The following PPM1F variants were observed in gnomAD, a reference collection of about 807,000 sequenced individuals.
PPM1F encodes protein phosphatase, Mg2+/Mn2+ dependent 1F.
A neutral mutation model predicts 35.5 loss-of-function variants in PPM1F; 17 were observed. The observed-to-expected ratio is 0.48, with a 90% confidence interval of 0.33 to 0.72. The LOEUF is 0.72. Ranked by LOEUF, PPM1F falls within the 30% of genes least tolerant of loss-of-function variation. PPM1F has a pLI of 0.02. For missense variants in PPM1F, 521 were observed against 613.0 expected (o/e 0.85, Z 1.59); for synonymous variants, 241 against 255.5 (o/e 0.94, Z 0.54).
In PPM1F at chr22:21,934,312, G is replaced by T. The variant is rs1319673672; in HGVS notation, c.356-86C>A. ...TGGCTCCCTGACAGCTCCCACAGGG[G>T]CCTGCAAAGCCCCCATCACCTCCCG... On this transcript the variant is annotated intron_variant, in intron 3 of 7. Coordinates refer to ENST00000263212, the MANE Select transcript of PPM1F (RefSeq NM_014634.4). 6 of 1,153,498 alleles carry T rather than the reference G, an allele frequency of 5.2e-6. No individual in the cohort carries two copies. In the East Asian group the frequency reaches 1.6e-4, roughly 30 times the overall value. 71.5% of individuals were successfully genotyped at this position (1,153,498 alleles called of 1,614,324 possible).
chr22:21,950,550 C>T (rs1166729067), intron 1 of PPM1F: 2 of 152,082 alleles, frequency 1.3e-5, no homozygotes, highest in African/African-American at 4.8e-5. Flanking sequence ...ATGAAAAAAA[C>T]CCAGCAATCC....
rs377763137 is a variant in PPM1F, at chr22:21,939,671, C to T, written c.216G>A (p.Pro72=). ...GGGCCAGAGCAGCAGCAAGTGGTGG[C>T]GGGGCCTTCCTAGGGATGAGGAGGG... The part of the protein sequence containing the change: ...AMGFLGSRKA[P]PPLAAALAHE... Residue 72 remains proline, a synonymous_variant, in exon 3 of 8, where the codon CCG becomes CCA. Transcript: ENST00000263212. This position sits in a 1 kb window ranked among gnomAD's most constrained non-coding sequence, Gnocchi z 5.1. 1.8e-5 allele frequency: 28 copies of T among 1,552,392 alleles called. No homozygotes were observed. Among genetic ancestry groups the T allele is most frequent in the South Asian group, 1.2e-4 (10 of 84,140 alleles).
chr22:21,945,070 A>G (rs550997964), intron 2 of PPM1F: 4 of 152,420 alleles, frequency 2.6e-5, no homozygotes, highest in Admixed American at 2.6e-4. Context: ...CGGATCGGAA[A>G]CAGGACGTAC....
In PPM1F at chr22:21,939,553, C is replaced by T; in HGVS notation, c.334G>A (p.Glu112Lys). The T allele has an allele frequency of 6.3e-7, 1 of 1,588,020 alleles. No homozygotes were observed. Among genetic ancestry groups the T allele is most frequent in the East Asian group, 2.3e-5 (1 of 44,152 alleles). Reference protein sequence around the residue: ...EEEEEEDDDEEEKAPVTLLDA... With the variant: ...EEEEEEDDDEKEKAPVTLLDA... ...TCACAGGTCACAGGGGCCTTTTCCTCCTCGTCATCGTCCTCCTCCTCTTCT... is the reference window on the plus strand; with the variant it reads ...TCACAGGTCACAGGGGCCTTTTCCTTCTCGTCATCGTCCTCCTCCTCTTCT... The change falls in exon 3 of 8, where the codon GAG becomes AAG. Residue 112 changes from glutamate (E) to lysine (K), a missense_variant. Glu to Lys is a moderately conservative substitution (Grantham distance 56). Transcript: ENST00000263212. This position sits in a 1 kb window ranked among gnomAD's most constrained non-coding sequence, Gnocchi z 5.1.
At chr22:21,942,865 A>T (rs919017812) in intron 2 of PPM1F, 5 of 152,328 alleles carry the variant, frequency 3.3e-5, no homozygotes, top group African/African-American at 4.8e-5. Flanking sequence ...AGGCAAGAAG[A>T]TGCTCCAGGG....
intron 5 of PPM1F, among the ~76,000 whole-genome samples, chr22:21,932,247 C>T (rs572477512): frequency 1.3e-5 from 2 of 152,356 alleles, no homozygotes; most frequent in East Asian, 1.9e-4. Flanking sequence ...GCCACTGTGC[C>T]CAGCCTCAAT....
rs2070439343 is a variant in PPM1F, at chr22:21,920,839, G to C, written c.*2253C>G. On this transcript the variant is annotated 3_prime_UTR_variant, in exon 8 of 8. Transcript: ENST00000263212. Reference sequence around the variant, plus strand: ...TATTAGCAAAGAAAAGAGAAAAGCAGATGCCAATCATTCTCTCTCTTCGTC... The same window carrying C: ...TATTAGCAAAGAAAAGAGAAAAGCACATGCCAATCATTCTCTCTCTTCGTC... 6.6e-6 allele frequency: 1 copy of C among 152,242 alleles called. No individual in the cohort carries two copies. Among genetic ancestry groups the C allele is most frequent in the South Asian group, 2.1e-4 (1 of 4,834 alleles). 9.4% of individuals were successfully genotyped at this position (152,242 alleles called of 1,614,324 possible). A position where few individuals can be genotyped will look rare whatever the true frequency, so the allele number is the denominator to read the frequency against.
chr22:21,925,618 G>A lies in PPM1F; in HGVS notation c.936C>T (p.His312=). The change falls in exon 7 of 8, where the codon CAC becomes CAT. Residue 312 remains histidine, a synonymous_variant. Coordinates refer to ENST00000263212, the MANE Select transcript of PPM1F (RefSeq NM_014634.4). The part of the protein sequence containing the change: ...RIEALGGFVS[H]MDCWRVNGTL... ...TCCCGTTGACTCTCCAGCAGTCCAT[G>A]TGAGACACAAAGCCACCCAATGCTT... is the stretch of plus-strand genomic sequence containing the variant. 1 of 1,608,308 alleles carries A rather than the reference G, an allele frequency of 6.2e-7. No individual in the cohort carries two copies. The highest frequency in any genetic ancestry group is 8.5e-7 in the Non-Finnish European group (1 of 1,176,020).
At chr22:21,923,528 C>G (rs1223653859) in intron 7 of PPM1F, 57 bp from the exon 8 acceptor site, 2 of 1,536,420 alleles carry the variant, frequency 1.3e-6, no homozygotes, top group Non-Finnish European at 1.8e-6. Context: ...AGCTTCCTCC[C>G]CACCTACCCA....
intron 7 of PPM1F, 22 bp from the exon 8 acceptor site, chr22:21,923,493 C>T (rs767250691): frequency 8.9e-6 from 14 of 1,579,362 alleles, no homozygotes; most frequent in Middle Eastern, 1.8e-4. Flanking sequence ...GAGAAGAGCC[C>T]GGGTCAGAGG....
Position 21,946,004 on chromosome 22 carries a change from T to G in PPM1F, c.45A>C (p.Gly15=). ...APQKSSPMAS[G]AEETPGFLDT... ...CCAGGAAGCCTGGGGTCTCCTCAGCTCCACTGGCCATTGGGCTGCTCTTCT... is the reference window on the plus strand; with the variant it reads ...CCAGGAAGCCTGGGGTCTCCTCAGCGCCACTGGCCATTGGGCTGCTCTTCT... The change falls in exon 2 of 8, where the codon GGA becomes GGC. Residue 15 remains glycine, a synonymous_variant. Coordinates refer to ENST00000263212, the MANE Select transcript of PPM1F (RefSeq NM_014634.4). 1 of 1,597,080 alleles carries G rather than the reference T, an allele frequency of 6.3e-7. No homozygotes were observed. The highest frequency in any genetic ancestry group is 1.1e-5 in the South Asian group (1 of 89,038).
chr22:21,945,634 GT>G, intron 2 of PPM1F: 1 of 551,564 alleles, frequency 1.8e-6, no homozygotes, highest in East Asian at 3.3e-5. Flanking sequence ...CTCCAGCCCT[GT>G]GAAAGAATGA....
rs1183947399 is a variant in PPM1F at position 21,920,874 on chromosome 22, C to G, written c.*2218G>C. 6.6e-6 allele frequency: 1 copy of G among 152,236 alleles called. No homozygotes were observed. Among genetic ancestry groups the G allele is most frequent in the Non-Finnish European group, 1.5e-5 (1 of 68,052 alleles). The allele number at this position is 152,236 out of a possible 1,614,324, so 9.4% of individuals were successfully genotyped here. A position where few individuals can be genotyped will look rare whatever the true frequency, so the allele number is the denominator to read the frequency against. On this transcript the variant is annotated 3_prime_UTR_variant, in exon 8 of 8. Transcript: ENST00000263212. ...ATTCTCTCTCTTCGTCAAGGTTATG[C>G]CCACGGGCAGGGTGGGCTAGTGGTG...
rs144742048 is a variant in PPM1F at position 21,946,030 on chromosome 22, G to T, written c.19C>A (p.Gln7Lys). The change falls in exon 2 of 8, where the codon CAG becomes AAG. Residue 7 changes from glutamine to lysine, a missense_variant. Gln to Lys is a moderately conservative substitution (Grantham distance 53). This residue lies in a region of PPM1F where 311 missense variants were observed against 351.5 expected (regional missense o/e 0.88). Transcript: ENST00000263212. Reference protein sequence around the residue: MSSGAPQKSSPMASGAE... With the variant: MSSGAPKKSSPMASGAE... ...CCACTGGCCATTGGGCTGCTCTTCT[G>T]TGGGGCTCCAGAGGACATGCCCAAA... is the stretch of plus-strand genomic sequence containing the variant. 43 of 1,561,414 alleles carry T rather than the reference G, an allele frequency of 2.8e-5. No homozygotes were observed. In the African/African-American group the frequency reaches 5.5e-4, roughly 20 times the overall value.
At chr22:21,930,418 T>C (rs1283465250) in intron 6 of PPM1F, among the ~76,000 whole-genome samples, 5 of 152,202 alleles carry the variant, frequency 3.3e-5, no homozygotes, top group Non-Finnish European at 7.3e-5. Context: ...AGAGATGCAT[T>C]GTTTTTAGCA....
rs1272555837 is a variant in PPM1F, at chr22:21,922,014, A to T, written c.*1078T>A. ...AACCTTGGGGGTGTTCAGCATCACA[A>T]AGAGGCGGAAAACTCTTCCAGAAAG... On this transcript the variant is annotated 3_prime_UTR_variant, in exon 8 of 8. Coordinates refer to ENST00000263212, the MANE Select transcript of PPM1F (RefSeq NM_014634.4). 6.6e-6 allele frequency: 1 copy of T among 152,272 alleles called. No individual in the cohort carries two copies. Among genetic ancestry groups the T allele is most frequent in the East Asian group, 1.9e-4 (1 of 5,168 alleles). 9.4% of individuals were successfully genotyped at this position (152,272 alleles called of 1,614,324 possible).
Position 21,923,052 on chromosome 22 carries a change from AAGGATGGG to A in PPM1F, c.*32_*39del. 6.4e-7 allele frequency: 1 copy of A among 1,551,658 alleles called. No homozygotes were observed. Among genetic ancestry groups the A allele is most frequent in the Non-Finnish European group, 8.7e-7 (1 of 1,151,744 alleles). On this transcript the variant is annotated 3_prime_UTR_variant, in exon 8 of 8. Transcript: ENST00000263212. The stretch of plus-strand genomic sequence containing the variant: ...TGAGGCTTCTGAGGGAGAGAAGGAC[AAGGATGGG>A]AGGAAGGGGAGGGCAGGGGCCTGGA...
chr22:21,939,534 G>A lies in PPM1F; in HGVS notation c.353C>T (p.Thr118Ile), dbSNP rs1343887846. The A allele has an allele frequency of 1.9e-6, 3 of 1,599,532 alleles. No individual in the cohort carries two copies. Among genetic ancestry groups the A allele is most frequent in the Non-Finnish European group, 2.6e-6 (3 of 1,172,138 alleles). The change falls in exon 3 of 8, where the codon ACC (threonine) becomes ATC (isoleucine). Residue 118 changes from threonine to isoleucine, a missense_variant and splice_region_variant. By Grantham distance (89) the Thr-to-Ile change is moderately conservative. Coordinates refer to ENST00000263212, the MANE Select transcript of PPM1F (RefSeq NM_014634.4). This position sits in a 1 kb window ranked among gnomAD's most constrained non-coding sequence, Gnocchi z 5.1. ...DDDEEEKAPVTLLDAQSLAQS... is the reference protein window; with the variant it reads ...DDDEEEKAPVILLDAQSLAQS... ...ACCTCAGAAGAAACAGAACTCACAG[G>A]TCACAGGGGCCTTTTCCTCCTCGTC...
intron 3 of PPM1F, chr22:21,936,601 G>T (rs968685640): frequency 6.6e-6 from 1 of 152,278 alleles, no homozygotes; most frequent in African/African-American, 2.4e-5. Context: ...GAGGCCCTGC[G>T]CCTCCCGCCT....
Sources: gnomAD v4.1 joint callset for allele counts (sites outside exome capture counted in the v4.1 genomes callset) on GRCh38, gnomAD v4.1.1 for gene constraint, gnomAD v4.1.1 regional missense constraint, Gnocchi (gnomAD v3.1) non-coding constraint, MANE v1.5 for transcripts, NCBI Gene and HGNC (gene_info 2026-07-23, HGNC 2026-07-21) for gene names.